Variants in CAPN7 observed in about 807,000 individuals in gnomAD.
CAPN7 encodes the protein calpain 7, also known as calpain-7.
Under a neutral mutation model 115.2 loss-of-function variants are expected in CAPN7, and 72 were observed. That is an observed-to-expected ratio of 0.63 (90% confidence interval 0.52 to 0.76). CAPN7 has a LOEUF of 0.76. CAPN7 is among the 30% of genes least tolerant of loss of function. CAPN7 has a pLI of 0.00. For synonymous variants in CAPN7, 344 were observed against 322.3 expected, an observed-to-expected ratio of 1.07 and a Z score of -0.72; for missense variants, 905 against 971.5, an observed-to-expected ratio of 0.93 and a Z score of 0.91.
intron 6 of CAPN7, among the ~76,000 whole-genome samples, chr3:15,226,131 A>T (rs1354935349): frequency 6.6e-6 from 1 of 152,060 alleles, no homozygotes; most frequent in Non-Finnish European, 1.5e-5. Flanking sequence ...GCTAGAGTGC[A>T]GTGGTGCGAT....
At chr3:15,248,793 C>T (rs773446902) in intron 19 of CAPN7, among the ~76,000 whole-genome samples, 1 of 151,846 alleles carries the variant, frequency 6.6e-6, no homozygotes, top group African/African-American at 2.4e-5. Context: ...GTTCAAGACC[C>T]GCCTGAGCAA....
intron 19 of CAPN7, among the ~76,000 whole-genome samples, chr3:15,248,264 C>T (rs1695790516): frequency 6.6e-6 from 1 of 151,994 alleles, no homozygotes; most frequent in African/African-American, 2.4e-5. Flanking sequence ...TTGTAATAGC[C>T]AGAAATTGGA....
Position 15,252,529 on chromosome 3 carries a change from T to TA in CAPN7, c.*1269_*1270insA, listed in dbSNP as rs1238428324. ...ACAAATTTAACAAGTTTTCTGTTAC[T>TA]TTTTAAAAAGAAAAAATCCAGAACA... is the stretch of plus-strand genomic sequence containing the variant. On this transcript the variant is annotated 3_prime_UTR_variant, in exon 21 of 21. Coordinates refer to ENST00000253693, the MANE Select transcript of CAPN7 (RefSeq NM_014296.3). The TA allele has an allele frequency of 2.6e-5, 4 of 152,234 alleles. No individual in the cohort carries two copies. Among genetic ancestry groups the TA allele is most frequent in the Non-Finnish European group, 5.9e-5 (4 of 68,016 alleles). The allele number at this position is 152,234 out of a possible 1,614,324, so 9.4% of individuals were successfully genotyped here.
chr3:15,217,260 G>A (rs903152071), intron 2 of CAPN7, among the ~76,000 whole-genome samples, 165 bp from the exon 3 acceptor site: 3 of 148,410 alleles, frequency 2.0e-5, no homozygotes, highest in Non-Finnish European at 4.4e-5. Context: ...AAAAAAAAAA[G>A]AAGGGAGGAA....
rs1694421455 is a variant in CAPN7, at chr3:15,227,884, A to G, written c.771A>G (p.Thr257=). The change falls in exon 7 of 21, where the codon ACA becomes ACG. Residue 257 remains threonine (T), a synonymous_variant. Transcript: ENST00000253693. ...CATTATCACCTAAACAAAAAACTACATTTTCCAAGTGGGTACGACCAGAAG... is the reference window on the plus strand; with the variant it reads ...CATTATCACCTAAACAAAAAACTACGTTTTCCAAGTGGGTACGACCAGAAG... ...KLPLSPKQKT[T]FSKWVRPEDL... is the part of the protein sequence containing the mutation. 3 of 1,550,224 alleles carry G rather than the reference A, an allele frequency of 1.9e-6. No homozygotes were observed. Among genetic ancestry groups the G allele is most frequent in the Non-Finnish European group, 8.7e-7 (1 of 1,146,264 alleles).
chr3:15,241,360 C>A, intron 14 of CAPN7, 93 bp from the exon 15 acceptor site: 1 of 1,324,698 alleles, frequency 7.5e-7, no homozygotes, highest in South Asian at 1.5e-5. Context: ...AAACCAAAAA[C>A]TTGGATAGCT....
chr3:15,229,666 C>T (rs1354591420), intron 8 of CAPN7, among the ~76,000 whole-genome samples: 3 of 145,178 alleles, frequency 2.1e-5, no homozygotes, highest in African/African-American at 7.7e-5. Flanking sequence ...ACCTCTGCCT[C>T]CTGGGTTCAA....
rs771397243 is a variant in CAPN7, at chr3:15,220,955, C to A, written c.612C>A (p.Tyr204Ter). The A allele has an allele frequency of 6.2e-7, 1 of 1,613,802 alleles. No individual in the cohort carries two copies. Among genetic ancestry groups the A allele is most frequent in the Non-Finnish European group, 8.5e-7 (1 of 1,179,750 alleles). ...CATGTGATGCACAAGGACAGAGATA[C>A]ACAGCAGAAGAAATAGAAGTACTCA... ...PQSCDAQGQR[Y>*]TAEEIEVLRT... The change falls in exon 5 of 21, where the codon TAC becomes TAA. Residue 204 changes from tyrosine to a stop codon, truncating the protein, a stop_gained. Transcript: ENST00000253693. LOFTEE classifies it high-confidence loss of function.
intron 6 of CAPN7, among the ~76,000 whole-genome samples, chr3:15,223,949 A>G (rs917232902): frequency 1.3e-5 from 2 of 152,204 alleles, no homozygotes; most frequent in African/African-American, 4.8e-5. Context: ...AGGACTATTT[A>G]TGAGAGAATT....
chr3:15,235,757 T>C (rs556833064), intron 12 of CAPN7, among the ~76,000 whole-genome samples: 1 of 152,310 alleles, frequency 6.6e-6, no homozygotes, highest in Admixed American at 6.5e-5. Flanking sequence ...ACTGCTCACC[T>C]CCTGCTATGC....
At chr3:15,212,081 C>T in intron 1 of CAPN7, 23 bp from the exon 2 acceptor site, 1 of 1,477,598 alleles carries the variant, frequency 6.8e-7, no homozygotes, top group Non-Finnish European at 9.3e-7. Flanking sequence ...CTATTGGATT[C>T]CTTTGAATTC....
chr3:15,240,645 C>A (rs776501997), intron 13 of CAPN7, 28 bp downstream of exon 13: 1 of 1,562,452 alleles, frequency 6.4e-7, no homozygotes, highest in Admixed American at 2.0e-5. Flanking sequence ...ATTTTAATAC[C>A]ATTTATTCTT....
intron 16 of CAPN7, among the ~76,000 whole-genome samples, chr3:15,243,510 A>G (rs1020048336): frequency 6.6e-6 from 1 of 152,182 alleles, no homozygotes; most frequent in Non-Finnish European, 1.5e-5. Flanking sequence ...TACAGAGATT[A>G]ACACCCAGGA....
chr3:15,229,863 G>A (rs868103214), intron 8 of CAPN7, among the ~76,000 whole-genome samples: 1 of 152,064 alleles, frequency 6.6e-6, no homozygotes, highest in African/African-American at 2.4e-5. Context: ...ATCATTCATT[G>A]CAAAAACTAA....
chr3:15,247,803 G>A (rs931081157), intron 19 of CAPN7, among the ~76,000 whole-genome samples: 1 of 152,120 alleles, frequency 6.6e-6, no homozygotes, highest in Non-Finnish European at 1.5e-5. Flanking sequence ...TAAAATGTTT[G>A]TAAATATGCT....
chr3:15,220,161 C>G (rs1460420132), intron 4 of CAPN7, among the ~76,000 whole-genome samples: 1 of 151,952 alleles, frequency 6.6e-6, no homozygotes, highest in African/African-American at 2.4e-5. Context: ...GATTGCGCCA[C>G]TACGCTCTAG....
intron 19 of CAPN7, among the ~76,000 whole-genome samples, chr3:15,248,391 C>T (rs372832980): frequency 2.0e-5 from 3 of 152,250 alleles, no homozygotes; most frequent in South Asian, 2.1e-4. Context: ...TAAAAAGCCA[C>T]ATGTACAGAA....
intron 15 of CAPN7, among the ~76,000 whole-genome samples, 196 bp downstream of exon 15, chr3:15,241,784 G>A (rs1384084987): frequency 6.6e-6 from 1 of 152,124 alleles, no homozygotes; most frequent in Non-Finnish European, 1.5e-5. Context: ...TTGTTCAAAA[G>A]TCATCTCTGA....
At chr3:15,211,512 G>A (rs1286790568) in intron 1 of CAPN7, among the ~76,000 whole-genome samples, 1 of 152,098 alleles carries the variant, frequency 6.6e-6, no homozygotes, top group Non-Finnish European at 1.5e-5. Flanking sequence ...TTTAATGTGA[G>A]GGTCCAGGGT....
Sources: gnomAD v4.1 joint callset for allele counts (sites outside exome capture counted in the v4.1 genomes callset) on GRCh38, gnomAD v4.1.1 for gene constraint, MANE v1.5 for transcripts, NCBI Gene and HGNC (gene_info 2026-07-23, HGNC 2026-07-21) for gene names.